Variants in BMPR1A observed in about 807,000 individuals in gnomAD.
The protein encoded by BMPR1A is bone morphogenetic protein receptor type 1A, also known as bone morphogenetic protein receptor type-1A.
BMPR1A carries 7 observed loss-of-function variants against 66.0 expected under a neutral mutation model. That is an observed-to-expected ratio of 0.11 (90% CI 0.06 to 0.20). The LOEUF is 0.20. Ranked by LOEUF, BMPR1A falls within the 10% of genes least tolerant of loss-of-function variation. BMPR1A has a pLI of 1.00. For synonymous variants in BMPR1A, 200 were observed against 229.7 expected (o/e 0.87, Z 1.17); for missense variants, 408 against 669.1 (o/e 0.61, Z 4.31).
intron 1 of BMPR1A, among the ~76,000 whole-genome samples, chr10:86,808,142 T>C (rs1841918203): frequency 6.6e-6 from 1 of 152,234 alleles, no homozygotes; most frequent in African/African-American, 2.4e-5. Flanking sequence ...TTTGGCATAT[T>C]GTGTCTTTTA....
chr10:86,816,118 T>G (rs530199675), intron 1 of BMPR1A, among the ~76,000 whole-genome samples: 2 of 152,322 alleles, frequency 1.3e-5, no homozygotes, highest in East Asian at 3.9e-4. Context: ...ACAGCATCAC[T>G]TAGACCTGTG....
chr10:86,896,153 C>CAAAAA (rs1400872394), intron 5 of BMPR1A, among the ~76,000 whole-genome samples: 1 of 100,826 alleles, frequency 9.9e-6, no homozygotes. Context: ...GACTCCGTCT[C>CAAAAA]AAAAAAGAAA....
chr10:86,896,977 G>T (rs1001448517), intron 5 of BMPR1A, among the ~76,000 whole-genome samples: 1 of 152,174 alleles, frequency 6.6e-6, no homozygotes, highest in Non-Finnish European at 1.5e-5. Flanking sequence ...GTGTCTTCAC[G>T]CACTGCCATG....
In BMPR1A at chr10:86,832,911, T is replaced by C. The variant is rs367590900; in HGVS notation, c.-267-5954T>C. 2.0e-5 allele frequency among the ~76,000 whole-genome samples: 3 copies of C among 152,266 alleles called. No individual in the cohort carries two copies. The East Asian group carries it at 5.8e-4, about 29-fold the overall frequency. On this transcript the variant is annotated intron_variant, in intron 1 of 12. Transcript: ENST00000372037. ...TCTTTGTGTGGGCACATATTTCTCT[T>C]GGGAAAAGGAAATTTTGGATCCTGT...
At chr10:86,787,000 A>G (rs1424296099) in intron 1 of BMPR1A, among the ~76,000 whole-genome samples, 1 of 152,244 alleles carries the variant, frequency 6.6e-6, no homozygotes, top group Non-Finnish European at 1.5e-5. Context: ...ATTGAATAAT[A>G]TATTTTTAAT....
In BMPR1A at chr10:86,927,022, G is replaced by T. The variant is rs1453381253; in HGVS notation, c.*3303G>T. 5.3e-6 allele frequency: 1 copy of T among 187,090 alleles called. No homozygotes were observed. Among genetic ancestry groups the T allele is most frequent in the South Asian group, 2.0e-4 (1 of 5,120 alleles). 11.6% of individuals were successfully genotyped at this position (187,090 alleles called of 1,614,324 possible). ...ATTTTCACAAAAGTTATTTTAATCA[G>T]TATTTTTACATTGCCTTTCCAGTGT... On this transcript the variant is annotated 3_prime_UTR_variant, in exon 13 of 13. Coordinates refer to ENST00000372037, the MANE Select transcript of BMPR1A (RefSeq NM_004329.3).
chr10:86,904,914 G>C (rs973476738), intron 7 of BMPR1A, among the ~76,000 whole-genome samples: 16 of 152,178 alleles, frequency 1.1e-4, no homozygotes, highest in African/African-American at 3.6e-4. Context: ...AGTTCAGTCT[G>C]TGAAGATTCA....
intron 1 of BMPR1A, among the ~76,000 whole-genome samples, chr10:86,773,314 T>C (rs112124231): frequency 0.013 from 1,983 of 151,770 alleles, 41 homozygotes; most frequent in African/African-American, 0.046. Context: ...GAAGGCCAGG[T>C]GTGGTGGCTC....
chr10:86,827,529 A>G (rs984455089), intron 1 of BMPR1A, among the ~76,000 whole-genome samples: 1 of 152,188 alleles, frequency 6.6e-6, no homozygotes, highest in Non-Finnish European at 1.5e-5. Context: ...GTAGCTAAGT[A>G]CAAAAGGTTC....
chr10:86,868,355 G>C (rs1426088174), intron 2 of BMPR1A, among the ~76,000 whole-genome samples: 5 of 152,244 alleles, frequency 3.3e-5, no homozygotes, highest in African/African-American at 1.2e-4. Flanking sequence ...GAGTGGTGTT[G>C]CTCCAGTTGT....
chr10:86,772,096 A>G (rs1274466645), intron 1 of BMPR1A, among the ~76,000 whole-genome samples: 1 of 145,880 alleles, frequency 6.9e-6, no homozygotes, highest in African/African-American at 2.6e-5. Context: ...TGAGATGTAT[A>G]CATGTTTAAT....
chr10:86,889,716 C>T (rs940496035), intron 3 of BMPR1A: 8 of 259,988 alleles, frequency 3.1e-5, no homozygotes, highest in East Asian at 1.0e-4. Context: ...TGGGGGACTG[C>T]GTTCATGCTT....
intron 1 of BMPR1A, among the ~76,000 whole-genome samples, chr10:86,771,187 ATTG>A (rs1243488929): frequency 1.3e-5 from 2 of 152,214 alleles, no homozygotes; most frequent in African/African-American, 4.8e-5. Flanking sequence ...TTTTTATGGA[ATTG>A]TTGGAGTTTA....
intron 1 of BMPR1A, among the ~76,000 whole-genome samples, chr10:86,822,588 C>T (rs942488675): frequency 5.9e-5 from 9 of 151,998 alleles, no homozygotes; most frequent in African/African-American, 2.2e-4. Context: ...GAGAAGGTTA[C>T]TTAATCACTA....
downstream of BMPR1A, chr10:86,932,796 C>T (rs754139519): frequency 5.3e-5 from 8 of 152,224 alleles, no homozygotes; most frequent in Non-Finnish European, 1.2e-4. Context: ...GCTATGTAGC[C>T]TCTTCACACT....
chr10:86,780,529 G>A (rs1030504020), intron 1 of BMPR1A, among the ~76,000 whole-genome samples: 6 of 152,018 alleles, frequency 3.9e-5, no homozygotes, highest in African/African-American at 1.5e-4. Flanking sequence ...CCGCCTCCCA[G>A]GTTCAAGCAA....
At chr10:86,764,853 T>C (rs956717752) in intron 1 of BMPR1A, among the ~76,000 whole-genome samples, 3 of 152,222 alleles carry the variant, frequency 2.0e-5, no homozygotes, top group East Asian at 3.8e-4. Flanking sequence ...ATGTAAAATA[T>C]CTCATTATGC....
intron 3 of BMPR1A, among the ~76,000 whole-genome samples, chr10:86,888,791 T>TA (rs1393354392): frequency 1.4e-5 from 2 of 146,402 alleles, no homozygotes; most frequent in Non-Finnish European, 3.0e-5. Flanking sequence ...CACATCACTG[T>TA]ACTCCAGCCT....
intron 1 of BMPR1A, among the ~76,000 whole-genome samples, chr10:86,790,184 AAAAAATATATATATATATATATAT>A (rs1841587095): frequency 5.3e-5 from 2 of 38,018 alleles, no homozygotes; most frequent in African/African-American, 4.3e-4. Flanking sequence ...AAAAAAAAAA[AAAAAATATATATATATATATATAT>A]ATATATATAT....
Sources: gnomAD v4.1 joint callset for allele counts (sites outside exome capture counted in the v4.1 genomes callset) on GRCh38, gnomAD v4.1.1 for gene constraint, MANE v1.5 for transcripts, NCBI Gene and HGNC (gene_info 2026-07-23, HGNC 2026-07-21) for gene names.